The following PTPRD variants were observed in gnomAD, a reference collection of about 807,000 sequenced individuals.
The protein encoded by PTPRD is receptor-type tyrosine-protein phosphatase delta.
In PTPRD, 34 loss-of-function variants were observed where a neutral mutation model predicts 214.5. That is an observed-to-expected ratio of 0.16 (90% confidence interval 0.12 to 0.21). PTPRD has a LOEUF of 0.21. Ranked by LOEUF, PTPRD falls within the 10% of genes least tolerant of loss-of-function variation. PTPRD has a pLI of 1.00. For missense variants in PTPRD, 2,545 were observed against 2,398.7 expected, an observed-to-expected ratio of 1.06 and a Z score of -1.27; for synonymous variants, 1,128 against 845.7, an observed-to-expected ratio of 1.33 and a Z score of -5.79.
intron 7 of PTPRD, among the ~76,000 whole-genome samples, chr9:9,592,991 G>C (rs2092895912): frequency 1.3e-5 from 2 of 151,944 alleles, no homozygotes; most frequent in South Asian, 2.1e-4. Flanking sequence ...GCTGCAGTGA[G>C]CCAAGATTGT....
rs1183120746 is a variant in PTPRD, at chr9:8,505,643, AAAG to A, written c.1678-1241_1678-1239del. On this transcript the variant is annotated intron_variant, in intron 22 of 45. Coordinates refer to ENST00000381196, the MANE Select transcript of PTPRD (RefSeq NM_002839.4). ...CTGTCTCAAAAAAAAAAAAAAAAAA[AAAG>A]AAGAAGAAGAAGAAGAAAAATTCAA... 8.8e-3 allele frequency among the ~76,000 whole-genome samples: 1,089 copies of A among 123,084 alleles called. 14 individuals are homozygous for A. The highest frequency in any genetic ancestry group is 0.013 in the African/African-American group (468 of 34,958). 80.7% of individuals were successfully genotyped at this position (123,084 alleles called of 152,430 possible).
At chr9:9,214,803 A>G (rs139375401) in intron 9 of PTPRD, among the ~76,000 whole-genome samples, 2 of 152,310 alleles carry the variant, frequency 1.3e-5, no homozygotes, top group East Asian at 3.9e-4. Flanking sequence ...ATATAAATAT[A>G]TTAACTCATG....
intron 8 of PTPRD, among the ~76,000 whole-genome samples, chr9:9,432,837 G>A (rs2083733988): frequency 6.6e-6 from 1 of 152,146 alleles, no homozygotes. Context: ...GCATAACAAA[G>A]AAAGGATTAC....
intron 5 of PTPRD, among the ~76,000 whole-genome samples, chr9:9,933,407 A>C (rs1271064951): frequency 6.6e-6 from 1 of 151,774 alleles, no homozygotes; most frequent in Admixed American, 6.5e-5. Flanking sequence ...TGGAAAACAA[A>C]AAAAGGCAGG....
chr9:9,608,715 G>A (rs560179903), intron 7 of PTPRD, among the ~76,000 whole-genome samples: 2 of 152,292 alleles, frequency 1.3e-5, no homozygotes, highest in East Asian at 3.9e-4. Context: ...CAGTCCTCAA[G>A]TGACAGCTGT....
At chr9:10,473,275 T>C (rs967518467) in intron 2 of PTPRD, among the ~76,000 whole-genome samples, 2 of 152,066 alleles carry the variant, frequency 1.3e-5, no homozygotes, top group African/African-American at 2.4e-5. Context: ...AAAAAATTCA[T>C]GTTGAAAGTA....
At chr9:9,115,743 A>C (rs1217046555) in intron 10 of PTPRD, among the ~76,000 whole-genome samples, 1 of 152,184 alleles carries the variant, frequency 6.6e-6, no homozygotes, top group African/African-American at 2.4e-5. Flanking sequence ...TCATCAACTG[A>C]TGAGTGGATA....
intron 14 of PTPRD, among the ~76,000 whole-genome samples, chr9:8,532,654 T>C (rs1192257249): frequency 6.6e-6 from 1 of 152,074 alleles, no homozygotes; most frequent in Non-Finnish European, 1.5e-5. Context: ...TAATATTCAA[T>C]CATGCAGAAT....
At chr9:8,373,844 G>C (rs2082310435) in intron 39 of PTPRD, among the ~76,000 whole-genome samples, 16 of 125,738 alleles carry the variant, frequency 1.3e-4, no homozygotes, top group African/African-American at 4.0e-4. Context: ...ATGTATGTAT[G>C]TATGTGTATG....
chr9:10,306,404 C>A (rs1029370246), intron 3 of PTPRD, among the ~76,000 whole-genome samples: 53 of 151,890 alleles, frequency 3.5e-4, no homozygotes, highest in African/African-American at 1.2e-3. Context: ...GCACATGTAC[C>A]CCAAAACTTA....
intron 3 of PTPRD, among the ~76,000 whole-genome samples, chr9:10,061,756 G>C (rs2097780677): frequency 6.6e-6 from 1 of 152,092 alleles, no homozygotes; most frequent in South Asian, 2.1e-4. Flanking sequence ...CTGCGGAATA[G>C]ATGTTAGAAT....
At chr9:9,623,629 T>A (rs1263234249) in intron 7 of PTPRD, among the ~76,000 whole-genome samples, 1 of 152,150 alleles carries the variant, frequency 6.6e-6, no homozygotes. Context: ...GATACAACAA[T>A]CAATTACATG....
At chr9:9,828,616 C>T (rs147852119) in intron 5 of PTPRD, among the ~76,000 whole-genome samples, 61 of 152,046 alleles carry the variant, frequency 4.0e-4, no homozygotes, top group African/African-American at 1.2e-3. Context: ...CAAACCTACA[C>T]GTTGTGCACG....
At chr9:9,828,334 A>G (rs1180231869) in intron 5 of PTPRD, among the ~76,000 whole-genome samples, 1 of 152,162 alleles carries the variant, frequency 6.6e-6, no homozygotes, top group Non-Finnish European at 1.5e-5. Flanking sequence ...ATAAAAAAGG[A>G]TGAGTTCAAG....
intron 3 of PTPRD, among the ~76,000 whole-genome samples, chr9:10,186,566 T>A (rs977325254): frequency 1.3e-5 from 2 of 152,100 alleles, no homozygotes; most frequent in African/African-American, 4.8e-5. Flanking sequence ...CCATTTCCAG[T>A]GAGGTTTCTA....
intron 5 of PTPRD, among the ~76,000 whole-genome samples, chr9:9,809,529 G>T (rs756427268): frequency 1.3e-5 from 2 of 152,170 alleles, no homozygotes; most frequent in African/African-American, 4.8e-5. Context: ...CTCCCAAAGT[G>T]CTGGGATTAC....
intron 14 of PTPRD, among the ~76,000 whole-genome samples, chr9:8,586,735 C>T (rs148902004): frequency 2.4e-4 from 36 of 152,274 alleles, no homozygotes; most frequent in African/African-American, 6.3e-4. Context: ...CATTTGCCAA[C>T]GGCATTGCTA....
At chr9:9,790,792 T>C (rs1489876731) in intron 5 of PTPRD, among the ~76,000 whole-genome samples, 6 of 152,286 alleles carry the variant, frequency 3.9e-5, no homozygotes, top group Non-Finnish European at 2.9e-5. Flanking sequence ...TGTAATGTGT[T>C]TCAGTAGTTG....
chr9:9,558,973 T>C (rs1318160467), intron 8 of PTPRD, among the ~76,000 whole-genome samples: 1 of 152,178 alleles, frequency 6.6e-6, no homozygotes, highest in Non-Finnish European at 1.5e-5. Flanking sequence ...GTACTCAGTG[T>C]ACTTCAATGC....
Sources: allele counts gnomAD v4.1 joint callset (sites outside exome capture counted in the v4.1 genomes callset), GRCh38; gene constraint gnomAD v4.1.1; transcripts MANE v1.5; gene names NCBI Gene and HGNC (gene_info 2026-07-23, HGNC 2026-07-21).